Variants in NOSTRIN observed in about 807,000 individuals in gnomAD.
NOSTRIN encodes the protein BM247 homolog.
Under a neutral mutation model 59.0 loss-of-function variants are expected in NOSTRIN, and 63 were observed. The observed-to-expected ratio is 1.07, with a 90% CI of 0.87 to 1.32. The LOEUF (loss-of-function observed/expected upper bound fraction) is 1.32, where lower values mean the gene tolerates loss of function less well. Ranked by LOEUF, NOSTRIN falls within the 40% of genes most tolerant of loss-of-function variation. NOSTRIN has a pLI of 0.00. For missense variants in NOSTRIN, 512 were observed against 473.1 expected, an observed-to-expected ratio of 1.08 and a Z score of -0.76; for synonymous variants, 200 against 165.4, an observed-to-expected ratio of 1.21 and a Z score of -1.61.
intron 11 of NOSTRIN, 196 bp from the exon 12 acceptor site, chr2:168,856,494 G>C (rs891222885): frequency 1.8e-6 from 1 of 565,042 alleles, no homozygotes; most frequent in Admixed American, 3.1e-5. Context: ...AGAATTGTTT[G>C]AACTTGGGAG....
At chr2:168,837,694 G>T (rs1234202984) in intron 7 of NOSTRIN, among the ~76,000 whole-genome samples, 1 of 152,022 alleles carries the variant, frequency 6.6e-6, no homozygotes, top group Non-Finnish European at 1.5e-5. Flanking sequence ...CCCTAATCAA[G>T]CTTTCCCCAT....
chr2:168,847,170 G>A (rs1688483406), intron 8 of NOSTRIN, among the ~76,000 whole-genome samples: 2 of 152,156 alleles, frequency 1.3e-5, no homozygotes, highest in South Asian at 2.1e-4. Flanking sequence ...GTACGGTTAA[G>A]TGGAAAAAAC....
At chr2:168,812,562 A>G (rs540932957) in intron 2 of NOSTRIN, among the ~76,000 whole-genome samples, 1 of 152,356 alleles carries the variant, frequency 6.6e-6, no homozygotes, top group East Asian at 1.9e-4. Flanking sequence ...TTAGTTCAAA[A>G]GTATTTCTCT....
intron 6 of NOSTRIN, among the ~76,000 whole-genome samples, chr2:168,833,577 A>G (rs908390670): frequency 3.3e-5 from 5 of 152,224 alleles, no homozygotes; most frequent in Non-Finnish European, 7.3e-5. Context: ...GTTAAATTCA[A>G]CCATGTAGAC....
At chr2:168,804,913 T>A (rs1374599215) in intron 1 of NOSTRIN, among the ~76,000 whole-genome samples, 1 of 152,210 alleles carries the variant, frequency 6.6e-6, no homozygotes, top group Non-Finnish European at 1.5e-5. Flanking sequence ...TATGATAACA[T>A]TACAGTTGTT....
At chr2:168,819,365 G>GTGGAAGTGTGCACGGAAAAGCA (rs1381803513) in intron 2 of NOSTRIN, among the ~76,000 whole-genome samples, 8 of 152,318 alleles carry the variant, frequency 5.3e-5, no homozygotes, top group African/African-American at 9.6e-5. Context: ...TGGAAGAGCC[G>GTGGAAGTGTGCACGGAAAAGCA]TGGAAGTGTG....
chr2:168,861,934 A>G, intron 14 of NOSTRIN, 26 bp from the exon 15 acceptor site: 1 of 1,607,074 alleles, frequency 6.2e-7, no homozygotes, highest in Non-Finnish European at 8.5e-7. Context: ...AACACAGCAT[A>G]CTAATTACAG....
intron 8 of NOSTRIN, among the ~76,000 whole-genome samples, chr2:168,847,730 AGTT>A (rs1441753922): frequency 6.6e-6 from 1 of 152,202 alleles, no homozygotes; most frequent in Non-Finnish European, 1.5e-5. Context: ...TCAAGAGGAC[AGTT>A]TGAGGTCCTC....
chr2:168,840,258 C>T (rs184217342), intron 7 of NOSTRIN, among the ~76,000 whole-genome samples: 32 of 151,994 alleles, frequency 2.1e-4, no homozygotes, highest in South Asian at 1.9e-3. Flanking sequence ...CAGCTGGGCG[C>T]GGTGGCTCAC....
At position 168,831,552 on chromosome 2, in the gene NOSTRIN, C is replaced by A. The variant is rs753447477; in HGVS notation, c.405+18C>A. ...AAATTAAGGCAAGTATCCACAAATA[C>A]CATTTGTGTAAACTCAGTTTTTAGA... On this transcript the variant is annotated intron_variant, in intron 6 of 15. Transcript: ENST00000317647. 2.4e-6 allele frequency: 2 copies of A among 849,388 alleles called. No homozygotes were observed. The highest frequency in any genetic ancestry group is 4.1e-6 in the Non-Finnish European group (2 of 483,038). The allele number at this position is 849,388 out of a possible 1,614,324, so 52.6% of individuals were successfully genotyped here.
intron 10 of NOSTRIN, among the ~76,000 whole-genome samples, chr2:168,853,254 T>A (rs1167872287): frequency 6.6e-6 from 1 of 152,216 alleles, no homozygotes; most frequent in Non-Finnish European, 1.5e-5. Context: ...AATGTCTGAC[T>A]TTATAGTCAT....
rs953170793 is a variant in NOSTRIN at position 168,865,034 on chromosome 2, G to A, written c.*64G>A. ...CAACAATACAGTGTGGTTCAAATAA[G>A]AATAAAGTGCTCTTACCTTTACATG... is the stretch of plus-strand genomic sequence containing the variant. On this transcript the variant is annotated 3_prime_UTR_variant, in exon 16 of 16. Coordinates refer to ENST00000317647, the MANE Select transcript of NOSTRIN (RefSeq NM_001039724.4). 1.4e-5 allele frequency: 22 copies of A among 1,552,232 alleles called. No homozygotes were observed. The Admixed American group carries it at 2.4e-4, about 17-fold the overall frequency.
chr2:168,797,440 G>A (rs372207684), upstream of NOSTRIN, among the ~76,000 whole-genome samples: 37 of 152,112 alleles, frequency 2.4e-4, 1 homozygote, highest in East Asian at 4.7e-3. Flanking sequence ...AAGTAAAAGA[G>A]GTGTGTGCAA....
intron 14 of NOSTRIN, 29 bp downstream of exon 14, chr2:168,860,938 C>A: frequency 7.1e-7 from 1 of 1,399,878 alleles, no homozygotes; most frequent in Non-Finnish European, 1.0e-6. Context: ...TCATTTTGGC[C>A]TGGGTCCTAC....
At position 168,859,628 on chromosome 2, in the gene NOSTRIN, G is replaced by A. The variant is rs755605972; in HGVS notation, c.1170G>A (p.Trp390Ter). The change falls in exon 13 of 16, where the codon TGG becomes TGA. Residue 390 changes from tryptophan to a stop codon, truncating the protein, a stop_gained. Coordinates refer to ENST00000317647, the MANE Select transcript of NOSTRIN (RefSeq NM_001039724.4). LOFTEE classifies it high-confidence loss of function. ...SHPCSNSIFR[W>*]REKEHTHSYV... The stretch of plus-strand genomic sequence containing the variant: ...CTTGTAGTAATTCCATCTTCAGGTG[G>A]AGGGAAAAGGTAACATTTAAGGAGA... 7 of 1,613,890 alleles carry A rather than the reference G, an allele frequency of 4.3e-6. No individual in the cohort carries two copies. In the South Asian group the frequency reaches 5.5e-5, roughly 13 times the overall value.
chr2:168,798,809 C>CGATTGATA (rs1491130814), upstream of NOSTRIN, among the ~76,000 whole-genome samples: 250 of 34,500 alleles, frequency 7.2e-3, no homozygotes, highest in African/African-American at 0.019. Context: ...ATCGATCGAT[C>CGATTGATA]GATCGATAGA....
intron 5 of NOSTRIN, 131 bp from the exon 6 acceptor site, chr2:168,831,341 C>T: frequency 1.6e-6 from 1 of 608,276 alleles, no homozygotes; most frequent in African/African-American, 1.8e-5. Flanking sequence ...TCAGAGCCTC[C>T]ACCTCCAAAT....
chr2:168,819,352 G>A (rs1182122867), intron 2 of NOSTRIN, among the ~76,000 whole-genome samples: 5 of 152,308 alleles, frequency 3.3e-5, no homozygotes, highest in East Asian at 1.9e-4. Flanking sequence ...TAGACCGGAA[G>A]CATGGAAGAG....
In NOSTRIN at chr2:168,850,594, C is replaced by CA. The variant is rs1294092582; in HGVS notation, c.631-488dup. On this transcript the variant is annotated intron_variant, in intron 8 of 15. Coordinates refer to ENST00000317647, the MANE Select transcript of NOSTRIN (RefSeq NM_001039724.4). The stretch of plus-strand genomic sequence containing the variant: ...GGGCTTCACCCTCTGGAATTCTTCC[C>CA]AATTTTTTTTTTTTTTTTTTTGTAA... 3.3e-4 allele frequency among the ~76,000 whole-genome samples: 50 copies of CA among 149,782 alleles called. 1 individual carries two copies. Among genetic ancestry groups the CA allele is most frequent in the African/African-American group, 1.3e-3 (50 of 39,886 alleles).
Sources: allele counts gnomAD v4.1 joint callset (sites outside exome capture counted in the v4.1 genomes callset), GRCh38; gene constraint gnomAD v4.1.1; transcripts MANE v1.5; gene names NCBI Gene and HGNC (gene_info 2026-07-23, HGNC 2026-07-21).